The following NPAS2 variants were observed in gnomAD, a reference collection of about 807,000 sequenced individuals.
The protein encoded by NPAS2 is neuronal PAS domain protein 2, also known as neuronal PAS domain-containing protein 2.
In NPAS2, 23 loss-of-function variants were observed where a neutral mutation model predicts 107.5. The ratio of observed to expected loss-of-function variants is 0.21; its 90% CI spans 0.15 to 0.30. The LOEUF (loss-of-function observed/expected upper bound fraction) is 0.30, where lower values mean the gene tolerates loss of function less well. Ranked by LOEUF, NPAS2 falls within the 10% of genes least tolerant of loss-of-function variation. The pLI is 1.00. For missense variants in NPAS2, 756 were observed against 1,043.3 expected, an observed-to-expected ratio of 0.72 and a Z score of 3.79; for synonymous variants, 403 against 417.5, an observed-to-expected ratio of 0.97 and a Z score of 0.42.
intron 15 of NPAS2, among the ~76,000 whole-genome samples, chr2:100,980,444 G>GT (rs1323391476): frequency 3.3e-5 from 5 of 152,002 alleles, no homozygotes; most frequent in South Asian, 2.1e-4. Flanking sequence ...ATAGCGCAGG[G>GT]TTTTTTTTAA....
At chr2:100,855,261 G>A (rs1678482569) in intron 1 of NPAS2, among the ~76,000 whole-genome samples, 1 of 152,138 alleles carries the variant, frequency 6.6e-6, no homozygotes, top group Admixed American at 6.5e-5. Context: ...AGACTTCAAT[G>A]TGCACCCCTG....
rs1238442918 is a variant in NPAS2, at chr2:100,982,229, A to C, written c.1483-2A>C. The C allele has an allele frequency of 2.5e-6, 4 of 1,613,758 alleles. No homozygotes were observed. The Admixed American group carries it at 5.0e-5, about 20-fold the overall frequency. ...ATTATGTTTTTCGGCTCCACCTTGA[A>C]GTTTTCGGCACAGTTCAGCATGTTC... is the stretch of plus-strand genomic sequence containing the variant. On this transcript the variant is annotated splice_acceptor_variant, in intron 15 of 20. Coordinates refer to ENST00000335681, the MANE Select transcript of NPAS2 (RefSeq NM_002518.4). LOFTEE classifies it high-confidence loss of function.
At chr2:100,879,482 C>T (rs1417535455) in intron 1 of NPAS2, among the ~76,000 whole-genome samples, 1 of 152,182 alleles carries the variant, frequency 6.6e-6, no homozygotes, top group Non-Finnish European at 1.5e-5. Context: ...AACTCTACTT[C>T]CTCCTTTTCT....
chr2:100,933,586 C>G (rs1347124254), intron 4 of NPAS2, among the ~76,000 whole-genome samples: 1 of 152,192 alleles, frequency 6.6e-6, no homozygotes, highest in Admixed American at 6.5e-5. Flanking sequence ...AGGCCCCATA[C>G]TCATCTACAG....
In NPAS2 at chr2:100,941,775, G is replaced by C. The variant is rs61126796; in HGVS notation, c.363+3933G>C. Among the ~76,000 whole-genome samples the C allele has an allele frequency of 4.3e-3, 662 of 152,258 alleles. 4 individuals are homozygous for C. Among genetic ancestry groups the C allele is most frequent in the African/African-American group, 0.015 (619 of 41,544 alleles). On this transcript the variant is annotated intron_variant, in intron 5 of 20. Transcript: ENST00000335681. The stretch of plus-strand genomic sequence containing the variant: ...CTTGGACAGAATGGGGAAAGAGTAC[G>C]GCTGAGGCAGAACCAAATGAGAGAC...
At position 100,925,227 on chromosome 2, in the gene NPAS2, C is replaced by T; in HGVS notation, c.114C>T (p.Gly38=). The part of the protein sequence containing the change: ...LIKELSSMLP[G]NTRKMDKTTV... The stretch of plus-strand genomic sequence containing the variant: ...AAGAGCTCAGTTCCATGCTCCCTGG[C>T]AACACGCGGAAAATGGACAAAACCA... The change falls in exon 3 of 21, where the codon GGC becomes GGT. Residue 38 remains glycine (G), a synonymous_variant. Transcript: ENST00000335681. 1 of 1,614,110 alleles carries T rather than the reference C, an allele frequency of 6.2e-7. No individual in the cohort carries two copies. The highest frequency in any genetic ancestry group is 8.5e-7 in the Non-Finnish European group (1 of 1,180,008).
chr2:100,906,860 G>C (rs1682181260), intron 2 of NPAS2, among the ~76,000 whole-genome samples: 2 of 152,190 alleles, frequency 1.3e-5, no homozygotes, highest in South Asian at 2.1e-4. Context: ...CAGGTGAGAA[G>C]ACTAAAGTTC....
intron 2 of NPAS2, among the ~76,000 whole-genome samples, chr2:100,908,341 G>A (rs1024922311): frequency 1.3e-5 from 2 of 152,030 alleles, no homozygotes; most frequent in Non-Finnish European, 2.9e-5. Flanking sequence ...CATTTTACAT[G>A]CAGTAATTCT....
At chr2:100,860,664 A>G (rs1383258990) in intron 1 of NPAS2, among the ~76,000 whole-genome samples, 1 of 151,992 alleles carries the variant, frequency 6.6e-6, no homozygotes, top group Non-Finnish European at 1.5e-5. Flanking sequence ...TTTATTCTCT[A>G]TATCAGTATG....
At chr2:100,916,160 A>C (rs376333290) in intron 2 of NPAS2, among the ~76,000 whole-genome samples, 1 of 152,220 alleles carries the variant, frequency 6.6e-6, no homozygotes, top group Non-Finnish European at 1.5e-5. Context: ...TCCAAAAGAA[A>C]GCAGGAAAGG....
chr2:100,932,997 T>C lies in NPAS2; in HGVS notation c.269T>C (p.Leu90Ser). 6.2e-7 allele frequency: 1 copy of C among 1,611,544 alleles called. No individual in the cohort carries two copies. The highest frequency in any genetic ancestry group is 2.2e-5 in the East Asian group (1 of 44,874). ...AATGAAGAATTCACCCAGCTGATGTTGGAGGTGAAATGCACTTTCAAAATA... is the reference window on the plus strand; with the variant it reads ...AATGAAGAATTCACCCAGCTGATGTCGGAGGTGAAATGCACTTTCAAAATA... ...LSNEEFTQLM[L>S]EALDGFIIAV... Residue 90 changes from leucine (L) to serine (S), a missense_variant, in exon 4 of 21, where the codon TTG becomes TCG. Physicochemically the swap from Leu to Ser is moderately radical, Grantham distance 145 (BLOSUM62 -2). This residue lies in a region of NPAS2 where 146 missense variants were observed against 249.6 expected (regional missense o/e 0.58). Transcript: ENST00000335681.
At chr2:100,826,003 A>C (rs1676350485) in intron 1 of NPAS2, among the ~76,000 whole-genome samples, 1 of 152,188 alleles carries the variant, frequency 6.6e-6, no homozygotes, top group South Asian at 2.1e-4. Context: ...CCATTACCAG[A>C]TGAAGCAAAC....
intron 1 of NPAS2, among the ~76,000 whole-genome samples, chr2:100,890,060 T>C (rs972127375): frequency 3.4e-4 from 52 of 152,080 alleles, no homozygotes; most frequent in Non-Finnish European, 1.9e-4. Context: ...TCCTGGTTCA[T>C]TGGGAGTGAA....
At chr2:100,872,385 C>T (rs1042432889) in intron 1 of NPAS2, among the ~76,000 whole-genome samples, 2 of 152,284 alleles carry the variant, frequency 1.3e-5, no homozygotes, top group African/African-American at 4.8e-5. Context: ...AGAACCATGC[C>T]TGCAACCTAG....
chr2:100,877,595 C>T (rs1407655405), intron 1 of NPAS2, among the ~76,000 whole-genome samples: 1 of 152,176 alleles, frequency 6.6e-6, no homozygotes, highest in Non-Finnish European at 1.5e-5. Flanking sequence ...GGGCTCACAG[C>T]CCCAAGGGTT....
rs565932623 is a variant in NPAS2, at chr2:100,910,657, T to G, written c.32+5871T>G. 7.2e-5 allele frequency among the ~76,000 whole-genome samples: 11 copies of G among 152,082 alleles called. No homozygotes were observed. In the South Asian group the frequency reaches 2.3e-3, roughly 32 times the overall value. On this transcript the variant is annotated intron_variant, in intron 2 of 20. Coordinates refer to ENST00000335681, the MANE Select transcript of NPAS2 (RefSeq NM_002518.4). Reference sequence around the variant, plus strand: ...GATTCTCCTCCCACAGCCTCCCAAGTAGCTGGGATTACAGGCGTCCACCAC... The same window carrying G: ...GATTCTCCTCCCACAGCCTCCCAAGGAGCTGGGATTACAGGCGTCCACCAC...
intron 1 of NPAS2, among the ~76,000 whole-genome samples, chr2:100,839,625 T>C (rs1677271756): frequency 6.6e-6 from 1 of 152,182 alleles, no homozygotes; most frequent in Non-Finnish European, 1.5e-5. Flanking sequence ...AGGTTATTCA[T>C]AGTTAAGTTT....
chr2:100,874,505 G>A (rs1679829695), intron 1 of NPAS2, among the ~76,000 whole-genome samples: 1 of 152,094 alleles, frequency 6.6e-6, no homozygotes, highest in African/African-American at 2.4e-5. Flanking sequence ...ACTTTGGGAG[G>A]CTGAGGAGGA....
At chr2:100,956,385 C>A (rs888357568) in intron 7 of NPAS2, among the ~76,000 whole-genome samples, 4 of 152,138 alleles carry the variant, frequency 2.6e-5, no homozygotes, top group African/African-American at 9.7e-5. Context: ...CTCCAGCAGC[C>A]CCCGGTGTCC....
Sources: allele counts gnomAD v4.1 joint callset (sites outside exome capture counted in the v4.1 genomes callset), GRCh38; gene constraint gnomAD v4.1.1; regional missense constraint gnomAD v4.1.1; transcripts MANE v1.5; gene names NCBI Gene and HGNC (gene_info 2026-07-23, HGNC 2026-07-21).